The following ZNF503 variants were observed in gnomAD, a reference collection of about 807,000 sequenced individuals.
The protein encoded by ZNF503 is NocA-like zinc finger 2.
ZNF503 carries 15 observed loss-of-function variants against 34.4 expected under a neutral mutation model. That is an observed-to-expected ratio of 0.44 (90% CI 0.29 to 0.67). The LOEUF (loss-of-function observed/expected upper bound fraction) is 0.67, where lower values mean the gene tolerates loss of function less well. Among genes scored for constraint, ZNF503 ranks in the 30% least tolerant of loss-of-function variants. ZNF503 has a pLI of 0.13. For synonymous variants in ZNF503, 580 were observed against 456.8 expected (o/e 1.27, Z -3.44); for missense variants, 1,007 against 926.8 (o/e 1.09, Z -1.12).
chr10:75,286,814 C>T, the ZNF503 span, among the ~76,000 whole-genome samples: 8 of 152,304 alleles, frequency 5.3e-5, no homozygotes, highest in Non-Finnish European at 1.0e-4. Context: ...AGAGGGGCTG[C>T]GTCGCCTCTC....
chr10:75,351,132 T>TCAGATCCAA, the ZNF503 span, among the ~76,000 whole-genome samples: 1 of 152,090 alleles, frequency 6.6e-6, no homozygotes, highest in Non-Finnish European at 1.5e-5. Flanking sequence ...CTAGTATCCA[T>TCAGATCCAA]CAGAAGTCAG....
chr10:75,365,782 G>C, the ZNF503 span, among the ~76,000 whole-genome samples: 885 of 152,322 alleles, frequency 5.8e-3, 5 homozygotes, highest in African/African-American at 0.02. Context: ...TTAGAATAGT[G>C]CACGGCCTAT....
At chr10:75,283,203 C>T in the ZNF503 span, 1 of 152,266 alleles carries the variant, frequency 6.6e-6, no homozygotes. Context: ...CCACCCGGGA[C>T]TTTCAGAAGC....
the ZNF503 span, among the ~76,000 whole-genome samples, chr10:75,385,838 C>T: frequency 1.3e-5 from 2 of 152,210 alleles, no homozygotes; most frequent in Non-Finnish European, 2.9e-5. Context: ...GTTTCAGCCT[C>T]CACCCTTACT....
At chr10:75,324,324 T>G in the ZNF503 span, among the ~76,000 whole-genome samples, 157 of 108,808 alleles carry the variant, frequency 1.4e-3, no homozygotes, top group Middle Eastern at 5.3e-3. Flanking sequence ...TTGTTTGTTT[T>G]TCTGTTTTTT....
rs765913693 is a variant in ZNF503 at position 75,399,683 on chromosome 10, A to G, written c.1007T>C (p.Leu336Pro). 37 of 1,600,030 alleles carry G rather than the reference A, an allele frequency of 2.3e-5. No individual in the cohort carries two copies. Among genetic ancestry groups the G allele is most frequent in the Non-Finnish European group, 3.1e-5 (36 of 1,179,324 alleles). Residue 336 changes from leucine to proline, a missense_variant, in exon 2 of 2, where the codon CTG becomes CCG. Coordinates refer to ENST00000372524, the MANE Select transcript of ZNF503 (RefSeq NM_032772.6). ...PTSSSVLGSG[L>P]VAPVSPYKPG... Reference sequence around the variant, plus strand: ...CTTGTAGGGTGACACGGGAGCCACCAGCCCAGAGCCCAACACTGAGGAGGA... The same window carrying G: ...CTTGTAGGGTGACACGGGAGCCACCGGCCCAGAGCCCAACACTGAGGAGGA...
the ZNF503 span, among the ~76,000 whole-genome samples, chr10:75,345,634 C>CA: frequency 0.43 from 30,777 of 71,748 alleles, 5,354 homozygotes; most frequent in Non-Finnish European, 0.48. Context: ...GACTCTGTCT[C>CA]AAAAAAAAAA....
the ZNF503 span, among the ~76,000 whole-genome samples, chr10:75,340,979 A>T: frequency 4.5e-4 from 69 of 152,256 alleles, no homozygotes; most frequent in African/African-American, 1.5e-3. Context: ...ATTCATTCTG[A>T]CCCTATTTTT....
At chr10:75,386,974 G>A in the ZNF503 span, among the ~76,000 whole-genome samples, 1 of 152,214 alleles carries the variant, frequency 6.6e-6, no homozygotes, top group Non-Finnish European at 1.5e-5. Flanking sequence ...AGTTATTTGA[G>A]GGCAGAGACC....
chr10:75,364,850 T>C, the ZNF503 span, among the ~76,000 whole-genome samples: 1 of 152,240 alleles, frequency 6.6e-6, no homozygotes, highest in East Asian at 1.9e-4. Flanking sequence ...ATGGTGACTT[T>C]AAAGCGACTT....
the ZNF503 span, among the ~76,000 whole-genome samples, chr10:75,385,277 T>C: frequency 4.6e-5 from 7 of 152,194 alleles, no homozygotes; most frequent in Non-Finnish European, 8.8e-5. Context: ...GAGCATTCTC[T>C]TGGGATGGGC....
the ZNF503 span, among the ~76,000 whole-genome samples, chr10:75,293,131 G>T: frequency 1.6e-3 from 245 of 152,314 alleles, 2 homozygotes; most frequent in East Asian, 0.034. Context: ...TAGCTGGCCT[G>T]TAGGGGCAGT....
chr10:75,367,634 C>T, the ZNF503 span, among the ~76,000 whole-genome samples: 1 of 152,144 alleles, frequency 6.6e-6, no homozygotes. Context: ...AGCCTCTTGA[C>T]ATGAAAAGAG....
At chr10:75,315,266 G>A in the ZNF503 span, among the ~76,000 whole-genome samples, 1 of 152,176 alleles carries the variant, frequency 6.6e-6, no homozygotes, top group Non-Finnish European at 1.5e-5. Context: ...AGGCTGAAGT[G>A]GGAGGGTTGC....
the ZNF503 span, among the ~76,000 whole-genome samples, chr10:75,287,587 G>A: frequency 6.6e-6 from 1 of 152,114 alleles, no homozygotes; most frequent in African/African-American, 2.4e-5. Context: ...TGGCCTTTGT[G>A]ATACTTTCTG....
At chr10:75,363,335 G>A in the ZNF503 span, among the ~76,000 whole-genome samples, 2 of 151,832 alleles carry the variant, frequency 1.3e-5, no homozygotes, top group South Asian at 2.1e-4. Flanking sequence ...CCAGGCCTTG[G>A]AGAATGTCCT....
the ZNF503 span, among the ~76,000 whole-genome samples, chr10:75,331,450 T>A: frequency 7.9e-5 from 12 of 152,164 alleles, no homozygotes; most frequent in African/African-American, 2.4e-4. Flanking sequence ...CTTTAATTTA[T>A]TTTATTTTAT....
chr10:75,298,078 C>A, the ZNF503 span, among the ~76,000 whole-genome samples: 1 of 152,192 alleles, frequency 6.6e-6, no homozygotes, highest in Non-Finnish European at 1.5e-5. Context: ...TTTCCATCAT[C>A]CCAAAGAATC....
chr10:75,399,393 G>C lies in ZNF503; in HGVS notation c.1297C>G (p.Leu433Val). The C allele has an allele frequency of 3.7e-6, 6 of 1,605,940 alleles. No individual in the cohort carries two copies. The highest frequency in any genetic ancestry group is 4.2e-6 in the Non-Finnish European group (5 of 1,178,660). ...AGGTGGCTAGCGCAGTGGTAGCTGA[G>C]GCAGTAAGGGTCCCGGCACAAACTG... ...TASLCRDPYC[L>V]SYHCASHLAG... The change falls in exon 2 of 2, where the codon CTC (leucine) becomes GTC (valine). Residue 433 changes from leucine to valine, a missense_variant. Leu to Val is a conservative substitution (Grantham distance 32). Coordinates refer to ENST00000372524, the MANE Select transcript of ZNF503 (RefSeq NM_032772.6).
Sources: gnomAD v4.1 joint callset for allele counts (sites outside exome capture counted in the v4.1 genomes callset) on GRCh38, gnomAD v4.1.1 for gene constraint, MANE v1.5 for transcripts, NCBI Gene and HGNC (gene_info 2026-07-23, HGNC 2026-07-21) for gene names.